NTRK2: variants seen among roughly 807,000 people sequenced by gnomAD.
NTRK2 encodes BDNF/NT-3 growth factors receptor.
In NTRK2, 13 loss-of-function variants were observed where a neutral mutation model predicts 94.5. That is an observed-to-expected ratio of 0.14 (90% CI 0.09 to 0.22). NTRK2 has a LOEUF of 0.22. Ranked by LOEUF, NTRK2 falls within the 10% of genes least tolerant of loss-of-function variation. The pLI, the probability that NTRK2 is intolerant of heterozygous loss-of-function variation, is 1.00. For missense variants in NTRK2, 639 were observed against 1,071.2 expected, an observed-to-expected ratio of 0.60 and a Z score of 5.63; for synonymous variants, 372 against 407.4, an observed-to-expected ratio of 0.91 and a Z score of 1.05.
rs978468988 is a variant in NTRK2, at chr9:84,771,253, G to A, written c.1396+19168G>A. Reference sequence around the variant, plus strand: ...AGAGCAGGAGATGGAAATTTCTTTCGTGGCTCTCCCTTTGAGGTGGTCACG... The same window carrying A: ...AGAGCAGGAGATGGAAATTTCTTTCATGGCTCTCCCTTTGAGGTGGTCACG... On this transcript the variant is annotated intron_variant, in intron 12 of 18. Coordinates refer to ENST00000277120, the MANE Select transcript of NTRK2 (RefSeq NM_006180.6). Among the ~76,000 whole-genome samples the A allele has an allele frequency of 5.3e-5, 8 of 152,244 alleles. No homozygotes were observed. In the East Asian group the frequency reaches 9.6e-4, roughly 18 times the overall value.
At chr9:84,697,249 G>A (rs757858580) in intron 2 of NTRK2, among the ~76,000 whole-genome samples, 6 of 152,154 alleles carry the variant, frequency 3.9e-5, no homozygotes, top group South Asian at 2.1e-4. Flanking sequence ...TGAAAACTCC[G>A]TGGACCTCGT....
upstream of NTRK2, among the ~76,000 whole-genome samples, chr9:84,668,995 C>T (rs2058533766): frequency 6.6e-6 from 1 of 152,062 alleles, no homozygotes; most frequent in Admixed American, 6.5e-5. Flanking sequence ...CTCTATTTCC[C>T]GGGCGTGTGA....
chr9:84,975,362 T>C (rs147386558), intron 17 of NTRK2, among the ~76,000 whole-genome samples: 229 of 152,168 alleles, frequency 1.5e-3, no homozygotes, highest in Middle Eastern at 6.8e-3. Context: ...GGAACCAAGA[T>C]GGAGGAAAAG....
At chr9:84,760,433 T>C (rs1015602355) in intron 12 of NTRK2, among the ~76,000 whole-genome samples, 1 of 152,204 alleles carries the variant, frequency 6.6e-6, no homozygotes, top group Admixed American at 6.5e-5. Flanking sequence ...ATGTCGCAAA[T>C]GTAAACAGTG....
intron 12 of NTRK2, among the ~76,000 whole-genome samples, chr9:84,849,569 A>G (rs1176389474): frequency 3.9e-5 from 6 of 152,230 alleles, no homozygotes; most frequent in East Asian, 1.9e-4. Context: ...TTTAGTATCT[A>G]CAATGAACCA....
intron 14 of NTRK2, among the ~76,000 whole-genome samples, chr9:84,904,807 A>C (rs1292744413): frequency 6.6e-6 from 1 of 152,244 alleles, no homozygotes; most frequent in Non-Finnish European, 1.5e-5. Flanking sequence ...CTTTGAAATG[A>C]AAAATACTGG....
intron 12 of NTRK2, among the ~76,000 whole-genome samples, chr9:84,791,175 G>A (rs566820459): frequency 1.3e-5 from 2 of 152,192 alleles, no homozygotes; most frequent in South Asian, 4.1e-4. Context: ...CATTCAAAAT[G>A]GCAACCAAGA....
intron 15 of NTRK2, among the ~76,000 whole-genome samples, chr9:84,934,974 T>A (rs2078166818): frequency 6.6e-6 from 1 of 152,168 alleles, no homozygotes; most frequent in Non-Finnish European, 1.5e-5. Context: ...GGGGATACAA[T>A]TTCCACTGAG....
At chr9:84,826,982 A>T (rs71506673) in intron 12 of NTRK2, among the ~76,000 whole-genome samples, 637 of 152,312 alleles carry the variant, frequency 4.2e-3, no homozygotes, top group South Asian at 0.018. Flanking sequence ...GGGGTTTGGC[A>T]GGTCCTCTTA....
chr9:84,778,544 A>G (rs922793187), intron 12 of NTRK2, among the ~76,000 whole-genome samples: 2 of 152,160 alleles, frequency 1.3e-5, no homozygotes, highest in Non-Finnish European at 2.9e-5. Flanking sequence ...ATCATGGTAA[A>G]TCTTCTCTGC....
At chr9:84,871,971 C>A in intron 14 of NTRK2, 1 of 1,569,252 alleles carries the variant, frequency 6.4e-7, no homozygotes, top group Non-Finnish European at 8.6e-7. Flanking sequence ...CCTAGCCAAG[C>A]AAGAAGTTGC....
chr9:84,769,923 T>C (rs2132804974), intron 12 of NTRK2, among the ~76,000 whole-genome samples: 1 of 152,304 alleles, frequency 6.6e-6, no homozygotes, highest in East Asian at 1.9e-4. Flanking sequence ...CAAACTCCTG[T>C]GAGCTAAAGG....
At chr9:84,848,513 A>G (rs920550221) in intron 12 of NTRK2, among the ~76,000 whole-genome samples, 1 of 152,230 alleles carries the variant, frequency 6.6e-6, no homozygotes, top group African/African-American at 2.4e-5. Flanking sequence ...CTGGAGACTG[A>G]CATTTAGTTA....
At chr9:84,912,869 G>A (rs1020497543) in intron 14 of NTRK2, among the ~76,000 whole-genome samples, 2 of 151,958 alleles carry the variant, frequency 1.3e-5, no homozygotes, top group Admixed American at 6.6e-5. Flanking sequence ...GCCCACCTCG[G>A]CCTCCCAAAG....
intron 14 of NTRK2, chr9:84,873,491 C>T: frequency 3.8e-6 from 4 of 1,059,350 alleles, no homozygotes; most frequent in Non-Finnish European, 4.6e-6. Flanking sequence ...CCTTCCCCCT[C>T]TCAGTGCCAC....
At chr9:84,754,014 T>C (rs1202100074) in intron 12 of NTRK2, among the ~76,000 whole-genome samples, 2 of 152,292 alleles carry the variant, frequency 1.3e-5, no homozygotes, top group Non-Finnish European at 1.5e-5. Context: ...AGAAAAAGCG[T>C]AGACATTTTC....
chr9:84,908,506 A>G (rs2077142723), intron 14 of NTRK2, among the ~76,000 whole-genome samples: 1 of 152,246 alleles, frequency 6.6e-6, no homozygotes, highest in African/African-American at 2.4e-5. Context: ...GCATTAATTT[A>G]CTTGATGACA....
intron 12 of NTRK2, among the ~76,000 whole-genome samples, chr9:84,821,320 TACACAC>T (rs879336780): frequency 3.8e-5 from 3 of 79,022 alleles, no homozygotes; most frequent in African/African-American, 7.5e-5. Context: ...CACAAGAATT[TACACAC>T]ACACACACAC....
At chr9:84,886,187 A>G (rs1359359145) in intron 14 of NTRK2, among the ~76,000 whole-genome samples, 4 of 152,206 alleles carry the variant, frequency 2.6e-5, no homozygotes, top group African/African-American at 4.8e-5. Flanking sequence ...TGAGACCACT[A>G]TGAAGAATTT....
Sources: allele counts gnomAD v4.1 joint callset (sites outside exome capture counted in the v4.1 genomes callset), GRCh38; gene constraint gnomAD v4.1.1; transcripts MANE v1.5; gene names NCBI Gene and HGNC (gene_info 2026-07-23, HGNC 2026-07-21).